CYFIP2: variants seen among roughly 807,000 people sequenced by gnomAD.
CYFIP2 encodes the protein cytoplasmic FMR1-interacting protein 2.
Under a neutral mutation model 158.7 loss-of-function variants are expected in CYFIP2, and 29 were observed. The ratio of observed to expected loss-of-function variants is 0.18; its 90% CI spans 0.14 to 0.25. The LOEUF is 0.25. Among genes scored for constraint, CYFIP2 ranks in the 10% least tolerant of loss-of-function variants. The probability of loss-of-function intolerance (pLI) is 1.00; values close to 1 mark genes in which losing one functional copy is unlikely to be tolerated. For synonymous variants in CYFIP2, 585 were observed against 617.6 expected (o/e 0.95, Z 0.78); for missense variants, 852 against 1,639.5 (o/e 0.52, Z 8.29).
intron 5 of CYFIP2, among the ~76,000 whole-genome samples, chr5:157,299,548 A>G (rs1338892532): frequency 6.6e-6 from 1 of 152,038 alleles, no homozygotes; most frequent in Admixed American, 6.6e-5. Flanking sequence ...ATTTTTTTCC[A>G]TAGCACATAC....
chr5:157,306,605 A>G (rs375832377), intron 8 of CYFIP2, among the ~76,000 whole-genome samples: 1 of 152,170 alleles, frequency 6.6e-6, no homozygotes, highest in East Asian at 1.9e-4. Context: ...AAATATACCC[A>G]CAGAGTGGCT....
rs1389442117 is a variant in CYFIP2 at position 157,393,027 on chromosome 5, G to A, written c.*27G>A. The A allele has an allele frequency of 5.6e-6, 9 of 1,608,732 alleles. No homozygotes were observed. The highest frequency in any genetic ancestry group is 7.6e-6 in the Non-Finnish European group (9 of 1,177,118). ...CAGAAGATCCTGCAGACCCTTATCT[G>A]GAGGAGGAAGAGAAGCAGGAGAGAG... On this transcript the variant is annotated 3_prime_UTR_variant, in exon 31 of 31. Transcript: ENST00000620254.
intron 26 of CYFIP2, among the ~76,000 whole-genome samples, chr5:157,371,945 T>C (rs1354043089): frequency 6.6e-6 from 1 of 152,100 alleles, no homozygotes; most frequent in Non-Finnish European, 1.5e-5. Flanking sequence ...ATAATAAACA[T>C]TAGCGTGACA....
At chr5:157,326,127 G>T in intron 17 of CYFIP2, 44 bp from the exon 18 acceptor site, 2 of 1,406,912 alleles carry the variant, frequency 1.4e-6, no homozygotes, top group Non-Finnish European at 2.0e-6. Flanking sequence ...TCTTCCTTAA[G>T]GGGGGTTATT....
chr5:157,368,328 G>A (rs1246664610), intron 26 of CYFIP2, among the ~76,000 whole-genome samples: 1 of 152,078 alleles, frequency 6.6e-6, no homozygotes, highest in Non-Finnish European at 1.5e-5. Context: ...CAATTCAAAT[G>A]CATGGAAAGT....
chr5:157,361,327 G>T lies in CYFIP2; in HGVS notation c.2909-141G>T. 1 of 1,000,172 alleles carries T rather than the reference G, an allele frequency of 1.0e-6. No homozygotes were observed. 62.0% of individuals were successfully genotyped at this position (1,000,172 alleles called of 1,614,324 possible). A position where few individuals can be genotyped will look rare whatever the true frequency, so the allele number is the denominator to read the frequency against. ...TGAGCCCTGAAAGAAATCTCACTCT[G>T]GGCCTGCAGGTAAGAGGGATGCGTG... On this transcript the variant is annotated intron_variant, in intron 25 of 30. Transcript: ENST00000620254. This position sits in a 1 kb window ranked among gnomAD's most constrained non-coding sequence, Gnocchi z 4.4.
At chr5:157,375,210 C>G (rs776368721) in intron 26 of CYFIP2, among the ~76,000 whole-genome samples, 1 of 152,202 alleles carries the variant, frequency 6.6e-6, no homozygotes, top group Non-Finnish European at 1.5e-5. Context: ...AGAGATGAGA[C>G]CAGGCCTTTG....
intron 19 of CYFIP2, 31 bp from the exon 20 acceptor site, chr5:157,330,711 A>T (rs768164294): frequency 8.3e-6 from 13 of 1,567,322 alleles, no homozygotes; most frequent in Non-Finnish European, 1.1e-5. Flanking sequence ...CAATCTGTTT[A>T]CTGGCCTTGT....
intron 5 of CYFIP2, among the ~76,000 whole-genome samples, chr5:157,298,599 G>T (rs547586192): frequency 1.2e-3 from 186 of 151,292 alleles, no homozygotes; most frequent in African/African-American, 4.4e-3. Flanking sequence ...ACCTGCCTTG[G>T]TCTCCCAAAG....
chr5:157,341,083 G>A lies in CYFIP2; in HGVS notation c.2599G>A (p.Ala867Thr). Residue 867 changes from alanine (A) to threonine (T), a missense_variant, in exon 23 of 31, where the codon GCC becomes ACC. Physicochemically the swap from Ala to Thr is moderately conservative, Grantham distance 58 (BLOSUM62 0). Around this residue, in one of 8 missense-constraint regions of CYFIP2, gnomAD observed 191 missense variants for 311.2 expected, o/e 0.61. Coordinates refer to ENST00000620254, the MANE Select transcript of CYFIP2 (RefSeq NM_001037333.3). ...NGSTNRFVRT[A>T]IPFTQEPQRD... ...TGCTTCTACTAGTTTTGTGCGGACT[G>A]CCATTCCTTTCACCCAAGAACCACA... 1.2e-6 allele frequency: 2 copies of A among 1,613,940 alleles called. No homozygotes were observed. The highest frequency in any genetic ancestry group is 8.5e-7 in the Non-Finnish European group (1 of 1,179,846).
intron 2 of CYFIP2, 96 bp from the exon 3 acceptor site, chr5:157,286,923 T>G: frequency 1.2e-6 from 1 of 840,520 alleles, no homozygotes; most frequent in Non-Finnish European, 2.0e-6. Flanking sequence ...ACAGAGAGCT[T>G]GCGTTGTTTG....
At chr5:157,369,684 T>G (rs891173235) in intron 26 of CYFIP2, among the ~76,000 whole-genome samples, 1 of 152,140 alleles carries the variant, frequency 6.6e-6, no homozygotes. Context: ...ACACCCCCAG[T>G]GGGCAGGGTC....
intron 26 of CYFIP2, among the ~76,000 whole-genome samples, chr5:157,367,348 A>T (rs1474427682): frequency 6.6e-6 from 1 of 152,200 alleles, no homozygotes; most frequent in African/African-American, 2.4e-5. Flanking sequence ...ATATTGTCTG[A>T]TATTCCTTAG....
intron 1 of CYFIP2, among the ~76,000 whole-genome samples, chr5:157,283,492 T>A (rs1757147032): frequency 6.6e-6 from 1 of 152,076 alleles, no homozygotes; most frequent in African/African-American, 2.4e-5. Context: ...TAGAACTGAA[T>A]GCCACACTTA....
chr5:157,374,528 C>A (rs991265429), intron 26 of CYFIP2, among the ~76,000 whole-genome samples: 2 of 152,122 alleles, frequency 1.3e-5, no homozygotes, highest in Admixed American at 6.5e-5. Context: ...TGTCTCCCAG[C>A]AAAAGCAGCA....
chr5:157,383,082 A>C, intron 27 of CYFIP2, 183 bp from the exon 28 acceptor site: 1 of 596,648 alleles, frequency 1.7e-6, no homozygotes. Context: ...TTCTTGGACA[A>C]ATCATAGAAC....
chr5:157,277,459 C>T (rs554322746), intron 1 of CYFIP2, among the ~76,000 whole-genome samples: 10 of 152,334 alleles, frequency 6.6e-5, no homozygotes, highest in Admixed American at 2.0e-4. Flanking sequence ...TTCAGGTCGT[C>T]TCCTCTCTCC....
intron 1 of CYFIP2, among the ~76,000 whole-genome samples, 157 bp from the exon 2 acceptor site, chr5:157,285,182 C>G (rs752140590): frequency 6.6e-6 from 1 of 152,178 alleles, no homozygotes; most frequent in Admixed American, 6.5e-5. Context: ...GTAAAAGATA[C>G]ACATCGAGAG....
chr5:157,278,025 T>G (rs1756700711), intron 1 of CYFIP2, among the ~76,000 whole-genome samples: 1 of 152,180 alleles, frequency 6.6e-6, no homozygotes, highest in Admixed American at 6.5e-5. Context: ...AATATGATAT[T>G]ATAATCTTAT....
Sources: gnomAD v4.1 joint callset for allele counts (sites outside exome capture counted in the v4.1 genomes callset) on GRCh38, gnomAD v4.1.1 for gene constraint, gnomAD v4.1.1 regional missense constraint, Gnocchi (gnomAD v3.1) non-coding constraint, MANE v1.5 for transcripts, NCBI Gene and HGNC (gene_info 2026-07-23, HGNC 2026-07-21) for gene names.